GPR158: variants seen among roughly 807,000 people sequenced by gnomAD.
The protein encoded by GPR158 is G protein-coupled receptor 158.
In GPR158, 30 loss-of-function variants were observed where a neutral mutation model predicts 78.2. That is an observed-to-expected ratio of 0.38 (90% confidence interval 0.29 to 0.52). The LOEUF (loss-of-function observed/expected upper bound fraction) is 0.52, where lower values mean the gene tolerates loss of function less well. GPR158 is among the 20% of genes least tolerant of loss of function. The pLI is 0.83. For synonymous variants in GPR158, 581 were observed against 591.1 expected, an observed-to-expected ratio of 0.98 and a Z score of 0.25; for missense variants, 1,463 against 1,523.5, an observed-to-expected ratio of 0.96 and a Z score of 0.66.
At chr10:25,439,798 G>T (rs914960135) in intron 4 of GPR158, among the ~76,000 whole-genome samples, 13 of 152,108 alleles carry the variant, frequency 8.5e-5, no homozygotes, top group African/African-American at 2.9e-4. Flanking sequence ...GATTGGTATT[G>T]CATTTAATAG....
chr10:25,521,756 T>G (rs1026753887), intron 5 of GPR158, among the ~76,000 whole-genome samples: 7 of 152,352 alleles, frequency 4.6e-5, no homozygotes, highest in African/African-American at 1.7e-4. Context: ...GCCATGCTAA[T>G]GCAGCACACA....
chr10:25,566,902 A>T (rs1288132264), intron 6 of GPR158, among the ~76,000 whole-genome samples: 1 of 152,064 alleles, frequency 6.6e-6, no homozygotes, highest in Non-Finnish European at 1.5e-5. Context: ...AGAAACCTCC[A>T]GCACTTTTTG....
intron 4 of GPR158, among the ~76,000 whole-genome samples, chr10:25,419,023 GT>G (rs1373930114): frequency 6.6e-6 from 1 of 151,846 alleles, no homozygotes; most frequent in Non-Finnish European, 1.5e-5. Flanking sequence ...TAATTATGAT[GT>G]TCTAATGACT....
chr10:25,416,783 C>T (rs1182331795), intron 4 of GPR158, among the ~76,000 whole-genome samples: 1 of 152,030 alleles, frequency 6.6e-6, no homozygotes, highest in Non-Finnish European at 1.5e-5. Context: ...GGTAACACAG[C>T]CAGGTTGAAA....
chr10:25,282,938 TATG>T (rs1854297480), intron 2 of GPR158, among the ~76,000 whole-genome samples: 2 of 152,140 alleles, frequency 1.3e-5, no homozygotes, highest in Admixed American at 1.3e-4. Flanking sequence ...CTTTTGTGTC[TATG>T]ATAATGAGAG....
intron 5 of GPR158, among the ~76,000 whole-genome samples, chr10:25,484,952 A>G (rs759291940): frequency 3.9e-5 from 6 of 152,192 alleles, no homozygotes; most frequent in African/African-American, 7.2e-5. Flanking sequence ...GAATTTTAAC[A>G]GTCTCTGGGA....
intron 3 of GPR158, among the ~76,000 whole-genome samples, chr10:25,411,623 A>C (rs531908177): frequency 6.6e-6 from 1 of 152,076 alleles, no homozygotes; most frequent in East Asian, 1.9e-4. Flanking sequence ...TCAGTTGGTG[A>C]GTGGTAGATA....
At chr10:25,374,322 A>G (rs935805527) in intron 2 of GPR158, among the ~76,000 whole-genome samples, 2 of 151,434 alleles carry the variant, frequency 1.3e-5, no homozygotes, top group African/African-American at 2.4e-5. Flanking sequence ...TATATTCATC[A>G]CTCTGTATTC....
At chr10:25,425,902 C>T (rs569356200) in intron 4 of GPR158, among the ~76,000 whole-genome samples, 5 of 152,046 alleles carry the variant, frequency 3.3e-5, no homozygotes, top group Non-Finnish European at 7.4e-5. Context: ...TATTTCACTC[C>T]TTCAGCTTTC....
intron 5 of GPR158, among the ~76,000 whole-genome samples, chr10:25,528,997 A>G (rs1355225809): frequency 6.6e-6 from 1 of 152,216 alleles, no homozygotes; most frequent in Non-Finnish European, 1.5e-5. Context: ...GGAAGTTTCA[A>G]GGTAATTCAA....
chr10:25,372,849 T>A (rs1483058307), intron 2 of GPR158, among the ~76,000 whole-genome samples: 4 of 450 alleles, frequency 8.9e-3, no homozygotes, highest in South Asian at 0.17. Flanking sequence ...CCTAAAACTT[T>A]AATAATAATA....
rs150517240 is a variant in GPR158 at position 25,292,603 on chromosome 10, C to T, written c.1008+71446C>T. ...GTTGGAGAATGGGAAGTAGATAGAG[C>T]TAAATTTAGTATAATGACCTATGAG... On this transcript the variant is annotated intron_variant, in intron 2 of 10. Coordinates refer to ENST00000376351, the MANE Select transcript of GPR158 (RefSeq NM_020752.3). 2.0e-5 allele frequency among the ~76,000 whole-genome samples: 3 copies of T among 151,970 alleles called. No homozygotes were observed. The East Asian group carries it at 5.8e-4, about 29-fold the overall frequency.
intron 4 of GPR158, among the ~76,000 whole-genome samples, chr10:25,434,363 A>C (rs890395417): frequency 1.3e-5 from 2 of 152,176 alleles, no homozygotes; most frequent in Non-Finnish European, 2.9e-5. Flanking sequence ...ACTTATGTCT[A>C]TTTGAGTAGT....
intron 5 of GPR158, among the ~76,000 whole-genome samples, chr10:25,501,073 G>A (rs185100451): frequency 6.8e-4 from 104 of 152,284 alleles, no homozygotes; most frequent in Non-Finnish European, 1.3e-3. Flanking sequence ...GGAGATAGAA[G>A]CCAGGAAGAG....
At chr10:25,350,471 A>G (rs142188522) in intron 2 of GPR158, among the ~76,000 whole-genome samples, 1 of 152,098 alleles carries the variant, frequency 6.6e-6, no homozygotes, top group East Asian at 1.9e-4. Context: ...CCTGCCCCTT[A>G]CATGTGAACA....
At position 25,235,647 on chromosome 10, in the gene GPR158, A is replaced by G. The variant is rs147414657; in HGVS notation, c.1008+14490A>G. On this transcript the variant is annotated intron_variant, in intron 2 of 10. Transcript: ENST00000376351. ...CTTTTCATGTCTCAAATTTCTGTAA[A>G]ATGAGGACAGTTTTTTTTAGCCTAT... 4.1e-3 allele frequency among the ~76,000 whole-genome samples: 626 copies of G among 151,790 alleles called. 6 individuals carry two copies. Among genetic ancestry groups the G allele is most frequent in the African/African-American group, 0.015 (610 of 41,408 alleles).
chr10:25,212,208 G>T (rs1853140842), intron 1 of GPR158, among the ~76,000 whole-genome samples: 2 of 152,112 alleles, frequency 1.3e-5, no homozygotes, highest in Admixed American at 6.6e-5. Flanking sequence ...GGTTTAACTG[G>T]CTCACAGTTC....
intron 5 of GPR158, among the ~76,000 whole-genome samples, chr10:25,489,940 T>C (rs2130645818): frequency 6.6e-6 from 1 of 152,282 alleles, no homozygotes. Flanking sequence ...CCTTGAAAGA[T>C]TTACTGACTA....
intron 3 of GPR158, among the ~76,000 whole-genome samples, chr10:25,398,382 T>C (rs1386244538): frequency 6.6e-6 from 1 of 152,224 alleles, no homozygotes; most frequent in Non-Finnish European, 1.5e-5. Flanking sequence ...CTCTGGCATT[T>C]TTCACGTTTA....
Sources: gnomAD v4.1 joint callset for allele counts (sites outside exome capture counted in the v4.1 genomes callset) on GRCh38, gnomAD v4.1.1 for gene constraint, MANE v1.5 for transcripts, NCBI Gene and HGNC (gene_info 2026-07-23, HGNC 2026-07-21) for gene names.